EDARADD: variants seen among roughly 807,000 people sequenced by gnomAD.
EDARADD encodes the protein EDAR associated via death domain, also known as ectodysplasin-A receptor-associated adapter protein.
EDARADD carries 20 observed loss-of-function variants against 25.6 expected under a neutral mutation model. That is an observed-to-expected ratio of 0.78 (90% CI 0.55 to 1.14). EDARADD has a LOEUF of 1.14. EDARADD is among the 50% of genes most tolerant of loss of function. EDARADD has a pLI of 0.00. For synonymous variants in EDARADD, 86 were observed against 94.4 expected (o/e 0.91, Z 0.52); for missense variants, 225 against 270.1 (o/e 0.83, Z 1.17).
chr1:236,419,996 G>T (rs1331275045), intron 3 of EDARADD, among the ~76,000 whole-genome samples: 1 of 152,114 alleles, frequency 6.6e-6, no homozygotes, highest in African/African-American at 2.4e-5. Context: ...TGGTCAACAT[G>T]GCGATACCCC....
chr1:236,445,724 TG>T (rs546427057), intron 4 of EDARADD, among the ~76,000 whole-genome samples: 131 of 152,354 alleles, frequency 8.6e-4, no homozygotes, highest in African/African-American at 3.1e-3. Context: ...TAAATGTGCA[TG>T]CCCATATTTG....
intron 2 of EDARADD, among the ~76,000 whole-genome samples, chr1:236,410,779 T>C (rs1268058730): frequency 2.6e-5 from 4 of 152,232 alleles, no homozygotes; most frequent in Admixed American, 2.0e-4. Flanking sequence ...TAAATGTCTT[T>C]AAATCTTAGG....
chr1:236,472,247 G>C (rs990217037), intron 5 of EDARADD, among the ~76,000 whole-genome samples: 1 of 152,158 alleles, frequency 6.6e-6, no homozygotes, highest in Non-Finnish European at 1.5e-5. Context: ...AGAGAAGTGG[G>C]TGTAATTCCA....
Position 236,444,495 on chromosome 1 carries a change from C to T in EDARADD, c.219+17045C>T, listed in dbSNP as rs533559886. ...GGAGTGCAGTGGCACAATTTCGGCTCACTGCAACCTCCGCCTGCAGGGTTC... is the reference window on the plus strand; with the variant it reads ...GGAGTGCAGTGGCACAATTTCGGCTTACTGCAACCTCCGCCTGCAGGGTTC... On this transcript the variant is annotated intron_variant, in intron 4 of 5. Transcript: ENST00000334232. Among the ~76,000 whole-genome samples the T allele has an allele frequency of 5.5e-4, 83 of 152,272 alleles. 1 individual carries two copies. Among genetic ancestry groups the T allele is most frequent in the Admixed American group, 5.4e-3 (83 of 15,294 alleles).
At position 236,447,148 on chromosome 1, in the gene EDARADD, TCCTTCCTC is replaced by T. The variant is rs1380551526; in HGVS notation, c.219+19702_219+19709del. ...CTCTCTCTCTCTCTCTTTCCTTCCT[TCCTTCCTC>T]CCTCCCTCCCTCCCTCTTTCTTTCT... On this transcript the variant is annotated intron_variant, in intron 4 of 5. Transcript: ENST00000334232. Among the ~76,000 whole-genome samples the T allele has an allele frequency of 6.8e-4, 54 of 79,206 alleles. 1 individual carries two copies. The highest frequency in any genetic ancestry group is 2.2e-3 in the African/African-American group (50 of 23,222). The allele number at this position is 79,206 out of a possible 152,430, so 52.0% of individuals were successfully genotyped here. A position where few individuals can be genotyped will look rare whatever the true frequency, so the allele number is the denominator to read the frequency against.
intron 5 of EDARADD, among the ~76,000 whole-genome samples, chr1:236,481,623 G>C (rs1286759138): frequency 6.7e-6 from 1 of 149,002 alleles, no homozygotes; most frequent in East Asian, 2.0e-4. Context: ...AAGAAAGAAA[G>C]AAAAGATTAG....
intron 1 of EDARADD, 77 bp downstream of exon 1, chr1:236,394,582 C>A: frequency 1.5e-6 from 2 of 1,352,702 alleles, no homozygotes; most frequent in Admixed American, 3.9e-5. Context: ...TACGATAATT[C>A]TTGGATATAT....
At chr1:236,451,420 C>CCTT in intron 4 of EDARADD, among the ~76,000 whole-genome samples, 1 of 151,982 alleles carries the variant, frequency 6.6e-6, no homozygotes, top group Non-Finnish European at 1.5e-5. Flanking sequence ...AAGCTTCCTT[C>CCTT]CTTTCTTTTT....
At chr1:236,364,947 C>T (rs1667094491) in intron 3 of EDARADD, among the ~76,000 whole-genome samples, 1 of 152,140 alleles carries the variant, frequency 6.6e-6, no homozygotes, top group African/African-American at 2.4e-5. Flanking sequence ...AAGCAGACAT[C>T]CTTGTATTGT....
chr1:236,483,270 C>T lies in EDARADD; in HGVS notation c.*621C>T. 1 of 1,599,406 alleles carries T rather than the reference C, an allele frequency of 6.3e-7. No individual in the cohort carries two copies. ...AGAAGGTCTCTTCAGAGCTGCTGTG[C>T]CCAGTGGTGCTTCAACTGGTATCTA... On this transcript the variant is annotated 3_prime_UTR_variant, in exon 6 of 6. Transcript: ENST00000334232.
intron 3 of EDARADD, among the ~76,000 whole-genome samples, chr1:236,374,331 G>C (rs1483987119): frequency 1.5e-5 from 2 of 134,158 alleles, no homozygotes; most frequent in East Asian, 4.3e-4. Context: ...GTCTTGCTCT[G>C]TTTCCCAGGC....
Position 236,482,707 on chromosome 1 carries a change from A to G in EDARADD, c.*58A>G. Reference sequence around the variant, plus strand: ...ATGTTGAAACAACCACAGGTCAAGAAGGAATGTGAATCTGTTGTTTTATAA... The same window carrying G: ...ATGTTGAAACAACCACAGGTCAAGAGGGAATGTGAATCTGTTGTTTTATAA... On this transcript the variant is annotated 3_prime_UTR_variant, in exon 6 of 6. Transcript: ENST00000334232. The G allele has an allele frequency of 6.2e-7, 1 of 1,603,674 alleles. No homozygotes were observed. Among genetic ancestry groups the G allele is most frequent in the Non-Finnish European group, 8.5e-7 (1 of 1,178,506 alleles).
chr1:236,405,737 CTT>C (rs1307886381), intron 1 of EDARADD, among the ~76,000 whole-genome samples: 9 of 37,808 alleles, frequency 2.4e-4, no homozygotes, highest in African/African-American at 7.0e-4. Flanking sequence ...TTCTTTCTTT[CTT>C]TCTTTCTTTC....
At chr1:236,374,834 G>A (rs1167995739) in intron 3 of EDARADD, among the ~76,000 whole-genome samples, 1 of 133,810 alleles carries the variant, frequency 7.5e-6, no homozygotes, top group Non-Finnish European at 1.6e-5. Flanking sequence ...ACATCTAGTT[G>A]GGTCTTTTTT....
chr1:236,368,359 T>C lies in EDARADD; in HGVS notation c.-6+17520T>C, dbSNP rs1273225563. Among the ~76,000 whole-genome samples, 3 of 152,112 alleles carry C rather than the reference T, an allele frequency of 2.0e-5. No individual in the cohort carries two copies. The East Asian group carries it at 5.8e-4, about 29-fold the overall frequency. On this transcript the variant is annotated intron_variant, in intron 3 of 7. Transcript: ENST00000439430. ...CAAGTGTTATTTAGCTATTGTTCGA[T>C]TTCTCATTGTATAACCATTCACATT...
rs144340808 is a variant in EDARADD at position 236,478,134 on chromosome 1, C to T, written c.266-4133C>T. ...AAAGAAAAGGAAAGAAAAAAAAATC[C>T]GTACTGTAAACTGGTAAAGGCTTTC... is the stretch of plus-strand genomic sequence containing the variant. On this transcript the variant is annotated intron_variant, in intron 5 of 5. Transcript: ENST00000334232. 2.6e-3 allele frequency among the ~76,000 whole-genome samples: 392 copies of T among 151,966 alleles called. 5 individuals carry two copies. The highest frequency in any genetic ancestry group is 8.9e-3 in the African/African-American group (367 of 41,436).
At chr1:236,415,173 A>G (rs1323801702) in intron 3 of EDARADD, among the ~76,000 whole-genome samples, 1 of 152,096 alleles carries the variant, frequency 6.6e-6, no homozygotes, top group Non-Finnish European at 1.5e-5. Context: ...TAAATCAGCT[A>G]TTGTCATCAG....
At chr1:236,477,189 G>A (rs1249201138) in intron 5 of EDARADD, among the ~76,000 whole-genome samples, 1 of 151,848 alleles carries the variant, frequency 6.6e-6, no homozygotes, top group Non-Finnish European at 1.5e-5. Flanking sequence ...TGATTTACAG[G>A]GATATAAACG....
chr1:236,392,377 G>A (rs2102998983), upstream of EDARADD, among the ~76,000 whole-genome samples: 1 of 152,224 alleles, frequency 6.6e-6, no homozygotes, highest in East Asian at 1.9e-4. Context: ...GTCACCCAGT[G>A]GTGTGGTCTG....
Sources: gnomAD v4.1 joint callset for allele counts (sites outside exome capture counted in the v4.1 genomes callset) on GRCh38, gnomAD v4.1.1 for gene constraint, MANE v1.5 for transcripts, NCBI Gene and HGNC (gene_info 2026-07-23, HGNC 2026-07-21) for gene names.